The following PCM1 variants were observed in gnomAD, a reference collection of about 807,000 sequenced individuals.
PCM1 encodes the protein pericentriolar material 1 protein.
In PCM1, 157 loss-of-function variants were observed where a neutral mutation model predicts 241.9. The observed-to-expected ratio is 0.65, with a 90% CI of 0.57 to 0.74. The LOEUF (loss-of-function observed/expected upper bound fraction) is 0.74. PCM1 is among the 30% of genes least tolerant of loss of function. The pLI, the probability that PCM1 is intolerant of heterozygous loss-of-function variation, is 0.00. For missense variants in PCM1, 3,478 were observed against 2,360.1 expected, an observed-to-expected ratio of 1.47 and a Z score of -9.81; for synonymous variants, 1,085 against 784.9, an observed-to-expected ratio of 1.38 and a Z score of -6.39.
At chr8:17,959,737 T>A (rs560740781) in intron 13 of PCM1, among the ~76,000 whole-genome samples, 164 of 152,346 alleles carry the variant, frequency 1.1e-3, no homozygotes, top group African/African-American at 3.6e-3. Flanking sequence ...TTTTATTTTA[T>A]TGATATACCG....
rs759075624 is a variant in PCM1 at position 18,014,616 on chromosome 8, T to C, written c.5617T>C (p.Tyr1873His). ...AAATAACTGTCCTGTGAAACCCTGT[T>C]ACCTCAATATCTTGGAAGATGAGCA... ...DQNNCPVKPC[Y>H]LNILEDEQPL... is the part of the protein sequence containing the mutation. The change falls in exon 36 of 39, where the codon TAC (tyrosine) becomes CAC (histidine). Residue 1873 changes from tyrosine to histidine, a missense_variant. By Grantham distance (83) the Tyr-to-His change is moderately conservative (BLOSUM62 2). Transcript: ENST00000325083. The C allele has an allele frequency of 6.2e-7, 1 of 1,611,940 alleles. No homozygotes were observed. The highest frequency in any genetic ancestry group is 8.5e-7 in the Non-Finnish European group (1 of 1,178,300).
At chr8:18,010,810 G>A (rs780231349) in intron 32 of PCM1, 142 bp downstream of exon 32, 14 of 582,936 alleles carry the variant, frequency 2.4e-5, no homozygotes, top group Admixed American at 3.5e-5. Context: ...GTGAAACCCC[G>A]TCCATACTAA....
chr8:18,015,234 C>G (rs919429077), intron 36 of PCM1, among the ~76,000 whole-genome samples: 36 of 141,578 alleles, frequency 2.5e-4, no homozygotes, highest in African/African-American at 9.2e-4. Flanking sequence ...ACAACAGAAT[C>G]TTTATACAGT....
chr8:17,992,636 G>C (rs1490498118), intron 28 of PCM1, among the ~76,000 whole-genome samples: 1 of 85,374 alleles, frequency 1.2e-5, no homozygotes, highest in East Asian at 2.9e-4. Context: ...TTTTTAATTT[G>C]AGCACAGTCT....
At chr8:18,023,269 G>A (rs572081371) in intron 36 of PCM1, among the ~76,000 whole-genome samples, 2 of 152,160 alleles carry the variant, frequency 1.3e-5, no homozygotes, top group South Asian at 4.1e-4. Flanking sequence ...TCTTAATCTG[G>A]GGTTGTTTGT....
intron 32 of PCM1, 32 bp from the exon 33 acceptor site, chr8:18,011,205 G>T: frequency 1.3e-6 from 2 of 1,523,910 alleles, no homozygotes; most frequent in Non-Finnish European, 1.8e-6. Flanking sequence ...TGTACTTTAA[G>T]GAATTAATTA....
intron 6 of PCM1, among the ~76,000 whole-genome samples, chr8:17,946,946 C>T (rs1480574074): frequency 6.6e-6 from 1 of 151,068 alleles, no homozygotes; most frequent in Non-Finnish European, 1.5e-5. Flanking sequence ...ATTCCTCTTC[C>T]TGCTGAGCCA....
At chr8:17,952,484 A>G (rs1398753554) in intron 8 of PCM1, among the ~76,000 whole-genome samples, 4 of 152,150 alleles carry the variant, frequency 2.6e-5, no homozygotes, top group Admixed American at 6.5e-5. Flanking sequence ...AGCTCTCAGT[A>G]TCTGTGGGTT....
intron 36 of PCM1, among the ~76,000 whole-genome samples, chr8:18,018,911 TAA>T (rs1554778876): frequency 8.0e-6 from 1 of 125,130 alleles, no homozygotes; most frequent in Non-Finnish European, 1.6e-5. Context: ...TATATATATA[TAA>T]ATATATAACA....
intron 24 of PCM1, among the ~76,000 whole-genome samples, chr8:17,980,990 G>A (rs1348527229): frequency 1.3e-5 from 2 of 152,150 alleles, no homozygotes; most frequent in African/African-American, 4.8e-5. Flanking sequence ...ACAAAGGATA[G>A]TTACAATTGT....
chr8:17,989,558 A>G (rs1009938633), intron 26 of PCM1, among the ~76,000 whole-genome samples: 8 of 152,106 alleles, frequency 5.3e-5, no homozygotes, highest in Admixed American at 3.3e-4. Context: ...CTGAGAGTAT[A>G]GAAATAATGT....
intron 4 of PCM1, among the ~76,000 whole-genome samples, chr8:17,937,606 CTATGT>C (rs749018315): frequency 2.0e-5 from 3 of 152,070 alleles, no homozygotes; most frequent in Non-Finnish European, 2.9e-5. Context: ...GGACTTTATA[CTATGT>C]TATATGACTA....
chr8:17,937,861 A>G (rs927029245), intron 4 of PCM1, among the ~76,000 whole-genome samples: 5 of 152,192 alleles, frequency 3.3e-5, no homozygotes, highest in Non-Finnish European at 5.9e-5. Context: ...TTAGATCTAT[A>G]TGTCATAGAG....
chr8:17,955,347 AAATC>A, intron 9 of PCM1, 119 bp from the exon 10 acceptor site: 1 of 631,686 alleles, frequency 1.6e-6, no homozygotes, highest in African/African-American at 1.8e-5. Context: ...TCTGAAATTT[AAATC>A]TGCAGAAATT....
At chr8:18,024,630 T>C (rs774441887) in intron 36 of PCM1, among the ~76,000 whole-genome samples, 21 of 152,232 alleles carry the variant, frequency 1.4e-4, no homozygotes, top group African/African-American at 4.1e-4. Context: ...ATTTGAATTT[T>C]AGTCAGGGAT....
At chr8:17,952,541 G>A (rs1487913565) in intron 8 of PCM1, among the ~76,000 whole-genome samples, 3 of 151,936 alleles carry the variant, frequency 2.0e-5, no homozygotes, top group Non-Finnish European at 4.4e-5. Flanking sequence ...TATTTTGGGG[G>A]GAGAAATAAC....
chr8:18,011,177 C>CTATATACCTTTTACACATGT (rs2092445400), intron 32 of PCM1, 60 bp from the exon 33 acceptor site: 5 of 1,215,884 alleles, frequency 4.1e-6, no homozygotes, highest in Non-Finnish European at 5.7e-6. Context: ...GATAGACTTA[C>CTATATACCTTTTACACATGT]TATATACCTT....
intron 23 of PCM1, among the ~76,000 whole-genome samples, chr8:17,979,137 A>AG (rs1401526033): frequency 1.3e-5 from 2 of 151,926 alleles, no homozygotes; most frequent in East Asian, 3.9e-4. Context: ...AGAAAAGAAA[A>AG]AAAAAAAAAA....
intron 13 of PCM1, among the ~76,000 whole-genome samples, chr8:17,958,411 A>G (rs978658904): frequency 2.0e-5 from 3 of 152,164 alleles, no homozygotes; most frequent in East Asian, 1.9e-4. Flanking sequence ...TAGTTACACA[A>G]TTAACTATAA....
Sources: allele counts gnomAD v4.1 joint callset (sites outside exome capture counted in the v4.1 genomes callset), GRCh38; gene constraint gnomAD v4.1.1; transcripts MANE v1.5; gene names NCBI Gene and HGNC (gene_info 2026-07-23, HGNC 2026-07-21).